Variants in C12orf43 observed in about 807,000 individuals in gnomAD.
C12orf43 encodes protein CUSTOS.
A neutral mutation model predicts 20.6 loss-of-function variants in C12orf43; 15 were observed. The observed-to-expected ratio is 0.73, with a 90% confidence interval of 0.49 to 1.12. The LOEUF (loss-of-function observed/expected upper bound fraction) is 1.12, where lower values mean the gene tolerates loss of function less well. Among genes scored for constraint, C12orf43 ranks in the 50% most tolerant of loss-of-function variants. C12orf43 has a pLI of 0.00. For synonymous variants in C12orf43, 144 were observed against 130.8 expected, an observed-to-expected ratio of 1.10 and a Z score of -0.69; for missense variants, 334 against 344.4, an observed-to-expected ratio of 0.97 and a Z score of 0.24.
intron 1 of C12orf43, chr12:121,012,496 C>A: frequency 2.8e-6 from 2 of 702,392 alleles, no homozygotes; most frequent in Non-Finnish European, 5.2e-6. Context: ...GGCAGGAACA[C>A]GGAGTCTGCT....
intron 3 of C12orf43, 82 bp from the exon 4 acceptor site, chr12:121,006,476 T>G: frequency 1.5e-6 from 2 of 1,335,918 alleles, no homozygotes; most frequent in South Asian, 2.4e-5. Flanking sequence ...GTGGAGGGGA[T>G]GGGGTATGTG....
intron 3 of C12orf43, among the ~76,000 whole-genome samples, chr12:121,009,684 T>G (rs1249552593): frequency 6.6e-6 from 1 of 152,236 alleles, no homozygotes; most frequent in Non-Finnish European, 1.5e-5. Flanking sequence ...TGCCTTGATC[T>G]TGGACTTCTC....
rs897738065 is a variant in C12orf43 at position 121,000,639 on chromosome 12, C to T, written c.*3514G>A. 2 of 249,648 alleles carry T rather than the reference C, an allele frequency of 8.0e-6. No individual in the cohort carries two copies. Among genetic ancestry groups the T allele is most frequent in the Non-Finnish European group, 1.6e-5 (2 of 125,840 alleles). 15.5% of individuals were successfully genotyped at this position (249,648 alleles called of 1,614,324 possible). Reference sequence around the variant, plus strand: ...CTTCTCTGGGAAACCGGTTTTTGCTCTTACGGCCTTCCACTGATGTAGGAG... The same window carrying T: ...CTTCTCTGGGAAACCGGTTTTTGCTTTTACGGCCTTCCACTGATGTAGGAG... On this transcript the variant is annotated 3_prime_UTR_variant, in exon 6 of 6. Coordinates refer to ENST00000288757, the MANE Select transcript of C12orf43 (RefSeq NM_022895.3).
chr12:121,009,736 C>A (rs886998165), intron 3 of C12orf43, among the ~76,000 whole-genome samples: 5 of 152,200 alleles, frequency 3.3e-5, no homozygotes, highest in African/African-American at 1.2e-4. Context: ...TGTTTATAAG[C>A]TACCCAGTTT....
Position 121,005,002 on chromosome 12 carries a change from C to A in C12orf43, c.452+1G>T. The A allele has an allele frequency of 1.3e-6, 2 of 1,537,484 alleles. No homozygotes were observed. The highest frequency in any genetic ancestry group is 1.4e-5 in the African/African-American group (1 of 71,752). On this transcript the variant is annotated splice_donor_variant, in intron 5 of 5. Coordinates refer to ENST00000288757, the MANE Select transcript of C12orf43 (RefSeq NM_022895.3). LOFTEE classifies it high-confidence loss of function. The surrounding 1 kb of genome is among the most constrained non-coding windows in gnomAD (Gnocchi z 5.6). The stretch of plus-strand genomic sequence containing the variant: ...ACGTGAGGAGAGGTGTGAGTTCTCA[C>A]CTGGAGCTGGAGGGCTGTCGCTTTC...
intron 1 of C12orf43, among the ~76,000 whole-genome samples, chr12:121,011,421 A>C (rs190189249): frequency 6.7e-6 from 1 of 148,190 alleles, no homozygotes; most frequent in Non-Finnish European, 1.5e-5. Context: ...TATATAACTT[A>C]AAATATATAT....
Position 121,002,517 on chromosome 12 carries a change from T to C in C12orf43, c.*1636A>G. The C allele has an allele frequency of 2.0e-6, 1 of 504,962 alleles. No individual in the cohort carries two copies. 31.3% of individuals were successfully genotyped at this position (504,962 alleles called of 1,614,324 possible). On this transcript the variant is annotated 3_prime_UTR_variant, in exon 6 of 6. Transcript: ENST00000288757. Reference sequence around the variant, plus strand: ...CAAGGAGAAATGCGGTGGAAACTTCTTGCTTGTCCACAAATCATTCAGATG... The same window carrying C: ...CAAGGAGAAATGCGGTGGAAACTTCCTGCTTGTCCACAAATCATTCAGATG...
Position 121,000,913 on chromosome 12 carries a change from C to T in C12orf43, c.*3240G>A, listed in dbSNP as rs1335374605. On this transcript the variant is annotated 3_prime_UTR_variant, in exon 6 of 6. Transcript: ENST00000288757. ...GGCTGGGAGGCTCCCTTTGAAGAAC[C>T]GAGGGTAGAGGTGTGACTTTGGGGT... 3.0e-5 allele frequency: 33 copies of T among 1,084,730 alleles called. No individual in the cohort carries two copies. The highest frequency in any genetic ancestry group is 1.1e-4 in the African/African-American group (7 of 65,156). 67.2% of individuals were successfully genotyped at this position (1,084,730 alleles called of 1,614,324 possible). A position where few individuals can be genotyped will look rare whatever the true frequency, so the allele number is the denominator to read the frequency against.
intron 1 of C12orf43, 196 bp downstream of exon 1, chr12:121,016,134 C>G: frequency 1.2e-6 from 1 of 858,750 alleles, no homozygotes. Context: ...GGTACCTCAG[C>G]TTCCCCGACT....
In C12orf43 at chr12:121,003,797, C is replaced by T. The variant is rs540993355; in HGVS notation, c.*356G>A. On this transcript the variant is annotated 3_prime_UTR_variant, in exon 6 of 6. Transcript: ENST00000288757. The stretch of plus-strand genomic sequence containing the variant: ...TGGGGAAGGTCTCCCTTCCCCTGCC[C>T]ACCTCAGACAGTTCTAGGGAGATGG... 7.8e-6 allele frequency: 2 copies of T among 255,530 alleles called. No homozygotes were observed. Among genetic ancestry groups the T allele is most frequent in the South Asian group, 6.2e-5 (1 of 16,186 alleles). The allele number at this position is 255,530 out of a possible 1,614,324, so 15.8% of individuals were successfully genotyped here. A position where few individuals can be genotyped will look rare whatever the true frequency, so the allele number is the denominator to read the frequency against.
At chr12:121,007,527 T>C (rs1341567414) in intron 3 of C12orf43, among the ~76,000 whole-genome samples, 1 of 152,244 alleles carries the variant, frequency 6.6e-6, no homozygotes, top group Non-Finnish European at 1.5e-5. Context: ...CAAGCACTTG[T>C]GGCACACGGC....
In C12orf43 at chr12:121,016,470, G is replaced by C; in HGVS notation, c.5C>G (p.Ala2Gly). The change falls in exon 1 of 6, where the codon GCG (alanine) becomes GGG (glycine). Residue 2 changes from alanine to glycine, a missense_variant. Physicochemically the swap from Ala to Gly is moderately conservative, Grantham distance 60 (BLOSUM62 0). Transcript: ENST00000288757. ...ATCGCTCACTGTGCCACTGGGCGCC[G>C]CCATCTTGAACCACCGCAAAGGATT... M[A>G]APSGTVSDSE... The C allele has an allele frequency of 6.2e-7, 1 of 1,613,946 alleles. No individual in the cohort carries two copies. Among genetic ancestry groups the C allele is most frequent in the Non-Finnish European group, 8.5e-7 (1 of 1,180,016 alleles).
chr12:121,009,025 C>T (rs1344363326), intron 3 of C12orf43, among the ~76,000 whole-genome samples: 2 of 152,218 alleles, frequency 1.3e-5, no homozygotes, highest in African/African-American at 2.4e-5. Context: ...TGCAAGGACA[C>T]GTGGAGGTAT....
chr12:121,010,487 C>T (rs1032821952), intron 3 of C12orf43, among the ~76,000 whole-genome samples: 8 of 152,206 alleles, frequency 5.3e-5, no homozygotes. Context: ...GGAATGATAA[C>T]AGTCCCTACC....
chr12:121,002,705 TAAAAA>T lies in C12orf43; in HGVS notation c.*1443_*1447del, dbSNP rs1565890349. The T allele has an allele frequency of 3.1e-6, 1 of 319,668 alleles. No individual in the cohort carries two copies. Among genetic ancestry groups the T allele is most frequent in the Non-Finnish European group, 6.1e-6 (1 of 163,790 alleles). The allele number at this position is 319,668 out of a possible 1,614,324, so 19.8% of individuals were successfully genotyped here. A position where few individuals can be genotyped will look rare whatever the true frequency, so the allele number is the denominator to read the frequency against. On this transcript the variant is annotated 3_prime_UTR_variant, in exon 6 of 6. Transcript: ENST00000288757. Reference sequence around the variant, plus strand: ...ATCTTAACCTCAAGCTTCTACTTTTTAAAAAAATTTTGTTTTGGAGACAGGGTCTC... The same window carrying T: ...ATCTTAACCTCAAGCTTCTACTTTTTAATTTTGTTTTGGAGACAGGGTCTC...
At chr12:121,013,219 C>CT (rs1868557212) in intron 1 of C12orf43, among the ~76,000 whole-genome samples, 1 of 152,202 alleles carries the variant, frequency 6.6e-6, no homozygotes, top group Admixed American at 6.5e-5. Flanking sequence ...GATGGACAGT[C>CT]TTTAAAGACC....
At chr12:121,014,799 C>T (rs1868751737) in intron 1 of C12orf43, among the ~76,000 whole-genome samples, 1 of 151,754 alleles carries the variant, frequency 6.6e-6, no homozygotes, top group African/African-American at 2.4e-5. Context: ...GGCAACATGG[C>T]AAAACCCCAT....
chr12:121,005,573 C>A lies in C12orf43; in HGVS notation c.362-480G>T, dbSNP rs528602090. On this transcript the variant is annotated intron_variant, in intron 4 of 5. Transcript: ENST00000288757. This position sits in a 1 kb window ranked among gnomAD's most constrained non-coding sequence, Gnocchi z 5.6. The stretch of plus-strand genomic sequence containing the variant: ...CCTCAGAGGCTTCTGGAAGTCAGCA[C>A]TTGAGCTCCTGACCTAAGGCAGCCT... 6.6e-6 allele frequency among the ~76,000 whole-genome samples: 1 copy of A among 152,392 alleles called. No individual in the cohort carries two copies. Among genetic ancestry groups the A allele is most frequent in the African/African-American group, 2.4e-5 (1 of 41,600 alleles).
In C12orf43 at chr12:121,002,350, C is replaced by CTGCCA; in HGVS notation, c.*1802_*1803insTGGCA. On this transcript the variant is annotated 3_prime_UTR_variant, in exon 6 of 6. Coordinates refer to ENST00000288757, the MANE Select transcript of C12orf43 (RefSeq NM_022895.3). ...CCCAGGACAAGCATGGTCCCACATC[C>CTGCCA]CTGGGCCTGCTGCTGAGAACCTGGC... The CTGCCA allele has an allele frequency of 2.1e-6, 1 of 484,502 alleles. No homozygotes were observed. The highest frequency in any genetic ancestry group is 4.0e-6 in the Non-Finnish European group (1 of 252,880). The allele number at this position is 484,502 out of a possible 1,614,324, so 30.0% of individuals were successfully genotyped here.
Sources: gnomAD v4.1 joint callset for allele counts (sites outside exome capture counted in the v4.1 genomes callset) on GRCh38, gnomAD v4.1.1 for gene constraint, Gnocchi (gnomAD v3.1) non-coding constraint, MANE v1.5 for transcripts, NCBI Gene and HGNC (gene_info 2026-07-23, HGNC 2026-07-21) for gene names.